The following DRC11 variants were observed in gnomAD, a reference collection of about 807,000 sequenced individuals.
DRC11 encodes IQ and AAA domain-containing protein 1.
At chr2:236,422,690 A>G in the DRC11 span, among the ~76,000 whole-genome samples, 5 of 152,164 alleles carry the variant, frequency 3.3e-5, no homozygotes, top group African/African-American at 7.2e-5. Context: ...TGACAGAATT[A>G]GAAAAAACTA....
At chr2:236,435,531 C>T in the DRC11 span, among the ~76,000 whole-genome samples, 1 of 152,184 alleles carries the variant, frequency 6.6e-6, no homozygotes, top group Non-Finnish European at 1.5e-5. Flanking sequence ...TTCCACATGG[C>T]TGGGGAGGCA....
At chr2:236,465,454 C>A in the DRC11 span, 3 of 1,475,014 alleles carry the variant, frequency 2.0e-6, no homozygotes, top group Non-Finnish European at 2.8e-6. The surrounding 1 kb of genome is among the most constrained non-coding windows in gnomAD (Gnocchi z 6.2). Flanking sequence ...ATACAATAAC[C>A]TCAGCCACTA....
At chr2:236,315,310 T>C in the DRC11 span, among the ~76,000 whole-genome samples, 128 of 152,200 alleles carry the variant, frequency 8.4e-4, no homozygotes, top group African/African-American at 2.7e-3. This position sits in a 1 kb window ranked among gnomAD's most constrained non-coding sequence, Gnocchi z 5.1. Context: ...TGAACAAAAA[T>C]CAATTCCAGG....
chr2:236,370,208 C>T, the DRC11 span, among the ~76,000 whole-genome samples: 31 of 152,186 alleles, frequency 2.0e-4, no homozygotes, highest in African/African-American at 7.5e-4. The surrounding 1 kb of genome is among the most constrained non-coding windows in gnomAD (Gnocchi z 5.5). Context: ...GATGGTTTTA[C>T]ACCAAGCATC....
the DRC11 span, among the ~76,000 whole-genome samples, chr2:236,470,397 G>A: frequency 6.6e-6 from 1 of 152,112 alleles, no homozygotes; most frequent in Non-Finnish European, 1.5e-5. The surrounding 1 kb of genome is among the most constrained non-coding windows in gnomAD (Gnocchi z 5.1). Flanking sequence ...TCTCGCCATC[G>A]TCAATGCAGA....
At chr2:236,335,201 C>T in the DRC11 span, among the ~76,000 whole-genome samples, 9 of 152,160 alleles carry the variant, frequency 5.9e-5, no homozygotes, top group African/African-American at 7.2e-5. This position sits in a 1 kb window ranked among gnomAD's most constrained non-coding sequence, Gnocchi z 5.6. Context: ...GTCTATGTTA[C>T]GGATTGGCAG....
At chr2:236,357,017 ATATATC>A in the DRC11 span, among the ~76,000 whole-genome samples, 2 of 131,758 alleles carry the variant, frequency 1.5e-5, no homozygotes, top group African/African-American at 2.9e-5. Flanking sequence ...TTCATATATT[ATATATC>A]TATATATTTA....
the DRC11 span, among the ~76,000 whole-genome samples, chr2:236,335,524 G>A: frequency 6.6e-6 from 1 of 152,208 alleles, no homozygotes; most frequent in African/African-American, 2.4e-5. This position sits in a 1 kb window ranked among gnomAD's most constrained non-coding sequence, Gnocchi z 5.6. Context: ...GATGCTGTGA[G>A]GAGATTCAGG....
the DRC11 span, among the ~76,000 whole-genome samples, chr2:236,356,751 T>C: frequency 1.3e-5 from 2 of 151,818 alleles, 1 homozygote; most frequent in African/African-American, 4.8e-5. Context: ...TGGTTTACTA[T>C]TATACAGACT....
the DRC11 span, among the ~76,000 whole-genome samples, chr2:236,423,756 G>A: frequency 6.6e-6 from 1 of 152,094 alleles, no homozygotes; most frequent in Non-Finnish European, 1.5e-5. Context: ...GCACATGTAT[G>A]TTTATTGTGG....
chr2:236,355,160 GAGGCCTCGTTGGCCGT>G, the DRC11 span, among the ~76,000 whole-genome samples: 2 of 152,210 alleles, frequency 1.3e-5, no homozygotes, highest in East Asian at 3.9e-4. Context: ...AACAATGGCA[GAGGCCTCGTTGGCCGT>G]ACAGACGCCG....
chr2:236,310,871 G>C, the DRC11 span, among the ~76,000 whole-genome samples: 2 of 152,218 alleles, frequency 1.3e-5, no homozygotes, highest in Non-Finnish European at 2.9e-5. This position sits in a 1 kb window ranked among gnomAD's most constrained non-coding sequence, Gnocchi z 5.5. Flanking sequence ...GAAGTCTGTG[G>C]CTCACTGTTT....
the DRC11 span, among the ~76,000 whole-genome samples, chr2:236,423,439 C>T: frequency 4.1e-4 from 63 of 152,142 alleles, no homozygotes; most frequent in Non-Finnish European, 2.5e-4. Flanking sequence ...AGCCAAACGA[C>T]ACATGAAAAC....
At chr2:236,419,297 C>A in the DRC11 span, 3 of 1,517,964 alleles carry the variant, frequency 2.0e-6, no homozygotes, top group Non-Finnish European at 2.6e-6. This position sits in a 1 kb window ranked among gnomAD's most constrained non-coding sequence, Gnocchi z 4.8. Flanking sequence ...ATAATCATAC[C>A]ATTTTCATAG....
chr2:236,410,334 T>G, the DRC11 span, among the ~76,000 whole-genome samples: 18 of 152,028 alleles, frequency 1.2e-4, no homozygotes, highest in African/African-American at 3.9e-4. Context: ...TGGTTTAGTC[T>G]TGGGAGAGTG....
At chr2:236,359,898 G>A in the DRC11 span, among the ~76,000 whole-genome samples, 1 of 152,140 alleles carries the variant, frequency 6.6e-6, no homozygotes, top group South Asian at 2.1e-4. This position sits in a 1 kb window ranked among gnomAD's most constrained non-coding sequence, Gnocchi z 4.3. Flanking sequence ...TGTGTGTCAG[G>A]CACTCTGACA....
chr2:236,471,587 C>T, the DRC11 span, among the ~76,000 whole-genome samples: 39,810 of 152,108 alleles, frequency 0.26, 5,552 homozygotes, highest in African/African-American at 0.34. The surrounding 1 kb of genome is among the most constrained non-coding windows in gnomAD (Gnocchi z 4.6). Context: ...CTAACACTTA[C>T]GTAGTGCTTA....
the DRC11 span, among the ~76,000 whole-genome samples, chr2:236,453,169 T>C: frequency 1.3e-5 from 2 of 152,186 alleles, no homozygotes; most frequent in Non-Finnish European, 2.9e-5. This position sits in a 1 kb window ranked among gnomAD's most constrained non-coding sequence, Gnocchi z 4.9. Context: ...CCAGAAAGCT[T>C]AGGAAAACAG....
the DRC11 span, among the ~76,000 whole-genome samples, chr2:236,416,757 ATATAT>A: frequency 6.9e-5 from 6 of 86,404 alleles, no homozygotes; most frequent in African/African-American, 2.7e-4. Context: ...ATATATATAT[ATATAT>A]ATATATAAAT....
Sources: allele counts gnomAD v4.1 joint callset (sites outside exome capture counted in the v4.1 genomes callset), GRCh38; gene constraint gnomAD v4.1.1; non-coding constraint Gnocchi (gnomAD v3.1); transcripts MANE v1.5; gene names NCBI Gene and HGNC (gene_info 2026-07-23, HGNC 2026-07-21).